EIF3J: variants seen among roughly 807,000 people sequenced by gnomAD.
EIF3J encodes eukaryotic translation initiation factor 3 subunit J.
Under a neutral mutation model 39.0 loss-of-function variants are expected in EIF3J, and 15 were observed. The observed-to-expected ratio is 0.38, with a 90% CI of 0.26 to 0.59. The LOEUF (loss-of-function observed/expected upper bound fraction) is 0.59. Among genes scored for constraint, EIF3J ranks in the 20% least tolerant of loss-of-function variants. The pLI is 0.60. For synonymous variants in EIF3J, 98 were observed against 112.9 expected (o/e 0.87, Z 0.84); for missense variants, 226 against 308.6 (o/e 0.73, Z 2.00).
At chr15:44,540,895 G>T (rs1372304427) in intron 2 of EIF3J, among the ~76,000 whole-genome samples, 2 of 152,190 alleles carry the variant, frequency 1.3e-5, no homozygotes, top group Admixed American at 6.5e-5. Context: ...CCTGGGAAAT[G>T]AAAGGAAAAC....
intron 5 of EIF3J, among the ~76,000 whole-genome samples, chr15:44,555,606 A>G (rs1415407087): frequency 1.3e-5 from 2 of 152,200 alleles, no homozygotes; most frequent in African/African-American, 2.4e-5. Flanking sequence ...GGCTGTTAAT[A>G]TGTGTCTTCC....
intron 2 of EIF3J, among the ~76,000 whole-genome samples, chr15:44,539,026 C>CTTT (rs942051829): frequency 7.3e-6 from 1 of 136,292 alleles, no homozygotes; most frequent in Non-Finnish European, 1.6e-5. Flanking sequence ...GAATATAATT[C>CTTT]TTTTTTTTTT....
intron 5 of EIF3J, among the ~76,000 whole-genome samples, chr15:44,555,510 A>G (rs2082137156): frequency 6.6e-6 from 1 of 152,186 alleles, no homozygotes. Context: ...ATCTGTACAA[A>G]TACCAGGAGT....
chr15:44,544,041 C>T (rs2082032870), intron 2 of EIF3J, among the ~76,000 whole-genome samples: 1 of 151,752 alleles, frequency 6.6e-6, no homozygotes, highest in African/African-American at 2.4e-5. Context: ...CCTTCTTGAC[C>T]TCTTACTACC....
At chr15:44,538,987 T>TAAGGGATCTAA (rs2081985024) in intron 2 of EIF3J, among the ~76,000 whole-genome samples, 1 of 152,130 alleles carries the variant, frequency 6.6e-6, no homozygotes, top group Non-Finnish European at 1.5e-5. Flanking sequence ...TCCTTGGGAT[T>TAAGGGATCTAA]AAGGGATCTA....
Position 44,561,172 on chromosome 15 carries a change from A to AT in EIF3J, c.*24dup, listed in dbSNP as rs1246583429. On this transcript the variant is annotated 3_prime_UTR_variant, in exon 8 of 8. Transcript: ENST00000261868. ...TGACATTTTATCTTTTCTTGGTGTCATCTTTATGTTGCCCACAATCCCTTG... is the reference window on the plus strand; with the variant it reads ...TGACATTTTATCTTTTCTTGGTGTCATTCTTTATGTTGCCCACAATCCCTTG... 1.2e-6 allele frequency: 2 copies of AT among 1,601,830 alleles called. No individual in the cohort carries two copies. The highest frequency in any genetic ancestry group is 3.4e-5 in the Admixed American group (2 of 59,166).
chr15:44,545,480 G>GC (rs1212384571), intron 2 of EIF3J, among the ~76,000 whole-genome samples: 4 of 152,284 alleles, frequency 2.6e-5, no homozygotes, highest in Admixed American at 1.3e-4. Context: ...AACTTTGTAA[G>GC]CAAGTGTTTA....
chr15:44,558,264 C>T (rs1356013963), intron 6 of EIF3J, among the ~76,000 whole-genome samples: 1 of 152,124 alleles, frequency 6.6e-6, no homozygotes, highest in African/African-American at 2.4e-5. Context: ...TCTTGCATTG[C>T]AGAGGCACGA....
At chr15:44,550,439 A>G (rs2140896967) in intron 2 of EIF3J, among the ~76,000 whole-genome samples, 1 of 151,924 alleles carries the variant, frequency 6.6e-6, no homozygotes, top group Non-Finnish European at 1.5e-5. Context: ...CTACAGGCAC[A>G]TGCCACGTTG....
intron 6 of EIF3J, chr15:44,559,298 G>GCTA (rs1392589498): frequency 6.6e-6 from 1 of 150,908 alleles, no homozygotes; most frequent in Admixed American, 6.6e-5. Context: ...TGTAATCCCA[G>GCTA]CTACTCGGGA....
intron 5 of EIF3J, 98 bp downstream of exon 5, chr15:44,554,765 G>T: frequency 1.6e-6 from 1 of 639,840 alleles, no homozygotes; most frequent in South Asian, 3.0e-5. Context: ...GAAACATACT[G>T]GCTAATGTAG....
In EIF3J at chr15:44,537,327, C is replaced by G; in HGVS notation, c.47C>G (p.Ala16Gly). Residue 16 changes from alanine (A) to glycine (G), a missense_variant, in exon 2 of 8, where the codon GCC becomes GGC. Coordinates refer to ENST00000261868, the MANE Select transcript of EIF3J (RefSeq NM_003758.4). ...CACGGCTCGCTTTCTTCCGTAGACG[C>G]CGACGCTTTCTCCGTGGAAGACCCA... ...AAAGDSDSWDADAFSVEDPVR... is the reference protein window; with the variant it reads ...AAAGDSDSWDGDAFSVEDPVR... 1.3e-6 allele frequency: 2 copies of G among 1,562,734 alleles called. No homozygotes were observed. Among genetic ancestry groups the G allele is most frequent in the South Asian group, 1.2e-5 (1 of 85,418 alleles).
At chr15:44,537,449 G>A in intron 2 of EIF3J, 22 bp downstream of exon 2, 2 of 1,512,472 alleles carry the variant, frequency 1.3e-6, no homozygotes, top group South Asian at 1.3e-5. Context: ...CTAGGGCGCC[G>A]GGCAGCGCGG....
At chr15:44,556,996 T>A (rs1210953584) in intron 5 of EIF3J, among the ~76,000 whole-genome samples, 1 of 152,210 alleles carries the variant, frequency 6.6e-6, no homozygotes, top group African/African-American at 2.4e-5. Context: ...ATAAAATACT[T>A]ATTTATAAAG....
chr15:44,538,250 G>GTT (rs2081977456), intron 2 of EIF3J, among the ~76,000 whole-genome samples: 1 of 150,006 alleles, frequency 6.7e-6, no homozygotes, highest in African/African-American at 2.4e-5. Context: ...ACTCCGAAGG[G>GTT]TTCATTATAC....
Position 44,561,275 on chromosome 15 carries a change from A to AT in EIF3J, c.*129dup, listed in dbSNP as rs2082192271. The stretch of plus-strand genomic sequence containing the variant: ...AAGTGCAGTATCTTTTGTGCTGGTT[A>AT]TTTAACCCCTTGACACTTAGGTGCT... On this transcript the variant is annotated 3_prime_UTR_variant, in exon 8 of 8. Coordinates refer to ENST00000261868, the MANE Select transcript of EIF3J (RefSeq NM_003758.4). The AT allele has an allele frequency of 1.8e-5, 21 of 1,178,862 alleles. No individual in the cohort carries two copies. In the South Asian group the frequency reaches 3.4e-4, roughly 19 times the overall value. The allele number at this position is 1,178,862 out of a possible 1,614,324, so 73.0% of individuals were successfully genotyped here.
At position 44,561,025 on chromosome 15, in the gene EIF3J, A is replaced by G. The variant is rs764532780; in HGVS notation, c.653A>G (p.Lys218Arg). ...SEKQKQEKQS[K>R]AKKKKKGVVP... is the part of the protein sequence containing the mutation. ...ACTCTCTTTCATCTTTAGCAAAGCA[A>G]AGCCAAAAAGAAGAAGAAAGGTGTG... Residue 218 changes from lysine (K) to arginine (R), a missense_variant, in exon 8 of 8, where the codon AAA becomes AGA. Around this residue, in one of 2 missense-constraint regions of EIF3J, gnomAD observed 83 missense variants for 152.6 expected, o/e 0.54. Transcript: ENST00000261868. The G allele has an allele frequency of 1.9e-6, 3 of 1,613,386 alleles. No homozygotes were observed. Among genetic ancestry groups the G allele is most frequent in the East Asian group, 2.2e-5 (1 of 44,872 alleles).
At position 44,562,595 on chromosome 15, in the gene EIF3J, A is replaced by G. The variant is rs1005510619; in HGVS notation, c.*1446A>G. 6.5e-6 allele frequency: 1 copy of G among 153,654 alleles called. No homozygotes were observed. The highest frequency in any genetic ancestry group is 1.5e-5 in the Non-Finnish European group (1 of 68,762). 9.5% of individuals were successfully genotyped at this position (153,654 alleles called of 1,614,324 possible). ...CATCTAAGTGATTTGAGAAATTAAC[A>G]AAAGTAGTGACTACACAGCAATAAT... On this transcript the variant is annotated 3_prime_UTR_variant, in exon 8 of 8. Coordinates refer to ENST00000261868, the MANE Select transcript of EIF3J (RefSeq NM_003758.4).
intron 4 of EIF3J, among the ~76,000 whole-genome samples, chr15:44,553,259 G>A (rs1335384684): frequency 1.3e-5 from 2 of 151,926 alleles, no homozygotes; most frequent in African/African-American, 4.8e-5. Flanking sequence ...TTGGGAGGCC[G>A]AGGCAGGCAG....
Sources: allele counts gnomAD v4.1 joint callset (sites outside exome capture counted in the v4.1 genomes callset), GRCh38; gene constraint gnomAD v4.1.1; regional missense constraint gnomAD v4.1.1; transcripts MANE v1.5; gene names NCBI Gene and HGNC (gene_info 2026-07-23, HGNC 2026-07-21).